Variants in GPHN observed in about 807,000 individuals in gnomAD.
GPHN encodes gephyrin.
A neutral mutation model predicts 95.5 loss-of-function variants in GPHN; 17 were observed. The observed-to-expected ratio is 0.18, with a 90% CI of 0.12 to 0.27. The LOEUF (loss-of-function observed/expected upper bound fraction) is 0.27. GPHN is among the 10% of genes least tolerant of loss of function. The pLI is 1.00. For missense variants in GPHN, 660 were observed against 978.1 expected, an observed-to-expected ratio of 0.67 and a Z score of 4.34; for synonymous variants, 320 against 322.5, an observed-to-expected ratio of 0.99 and a Z score of 0.08.
At chr14:66,560,421 A>C (rs2060185862) in intron 1 of GPHN, among the ~76,000 whole-genome samples, 1 of 152,082 alleles carries the variant, frequency 6.6e-6, no homozygotes, top group Non-Finnish European at 1.5e-5. Context: ...TTCATTGAGC[A>C]GTGGTTTGTA....
intron 2 of GPHN, among the ~76,000 whole-genome samples, chr14:66,765,674 C>T (rs938965521): frequency 1.3e-5 from 2 of 152,024 alleles, no homozygotes; most frequent in East Asian, 1.9e-4. Flanking sequence ...TGCGTATTAC[C>T]TGGGTGACAA....
chr14:67,009,191 A>C (rs1397849310), intron 9 of GPHN, among the ~76,000 whole-genome samples: 2 of 152,104 alleles, frequency 1.3e-5, no homozygotes, highest in African/African-American at 4.8e-5. Flanking sequence ...CAATGAAAGT[A>C]ATAACCCATT....
chr14:66,839,759 G>T (rs905495427), intron 4 of GPHN, among the ~76,000 whole-genome samples: 3 of 152,028 alleles, frequency 2.0e-5, no homozygotes, highest in Admixed American at 2.0e-4. Context: ...TATTGTTAGG[G>T]TATGTATTTA....
chr14:67,045,222 A>G (rs1391727628), intron 10 of GPHN, among the ~76,000 whole-genome samples: 2 of 152,168 alleles, frequency 1.3e-5, no homozygotes, highest in Non-Finnish European at 2.9e-5. Context: ...GTTCTGTCTC[A>G]AATATGTATC....
the GPHN span, among the ~76,000 whole-genome samples, chr14:67,440,116 G>A: frequency 6.6e-6 from 1 of 152,148 alleles, no homozygotes; most frequent in African/African-American, 2.4e-5. Flanking sequence ...GATTACAGGC[G>A]TGAGTTACCA....
chr14:66,768,662 CAATT>C (rs1326455342), intron 2 of GPHN, among the ~76,000 whole-genome samples: 1 of 151,858 alleles, frequency 6.6e-6, no homozygotes, highest in African/African-American at 2.4e-5. Context: ...GACAGACAGA[CAATT>C]AAACAATAAT....
the GPHN span, among the ~76,000 whole-genome samples, chr14:67,288,182 C>T: frequency 1.3e-5 from 2 of 152,114 alleles, no homozygotes; most frequent in Non-Finnish European, 1.5e-5. Flanking sequence ...GAGGTTCAAG[C>T]GATTCTCCTG....
rs2076277446 is a variant in GPHN, at chr14:67,070,923, C to T, written c.1144+12137C>T. On this transcript the variant is annotated intron_variant, in intron 11 of 22. Coordinates refer to ENST00000478722, the MANE Select transcript of GPHN (RefSeq NM_020806.5). ...ACCATCAGAGAAATGCAAATCAAAA[C>T]TACAATGAGACACCATCTCACACCA... Among the ~76,000 whole-genome samples the T allele has an allele frequency of 1.3e-5, 2 of 151,824 alleles. 1 individual carries two copies. Among genetic ancestry groups the T allele is most frequent in the South Asian group, 4.2e-4 (2 of 4,818 alleles).
chr14:66,538,326 GT>G (rs889659243), intron 1 of GPHN, among the ~76,000 whole-genome samples: 48 of 147,618 alleles, frequency 3.3e-4, no homozygotes, highest in African/African-American at 9.2e-4. Context: ...TGGGTTAATG[GT>G]TTTTTTTTTA....
chr14:67,295,937 C>CA, the GPHN span, among the ~76,000 whole-genome samples: 2 of 151,274 alleles, frequency 1.3e-5, no homozygotes, highest in African/African-American at 2.4e-5. Flanking sequence ...TAATAGAAAC[C>CA]AAAAAAAACC....
chr14:66,919,038 C>G (rs1379589888), intron 6 of GPHN, among the ~76,000 whole-genome samples: 1 of 152,102 alleles, frequency 6.6e-6, no homozygotes, highest in Non-Finnish European at 1.5e-5. Context: ...TACCTATTCT[C>G]TTTTGGTAAT....
At chr14:67,310,831 G>GTCTA in the GPHN span, among the ~76,000 whole-genome samples, 9 of 152,006 alleles carry the variant, frequency 5.9e-5, no homozygotes, top group Admixed American at 2.6e-4. Context: ...CCATTTATCT[G>GTCTA]TCTATCTATC....
the GPHN span, among the ~76,000 whole-genome samples, chr14:67,216,611 T>C: frequency 0.031 from 4,744 of 152,242 alleles, 86 homozygotes; most frequent in Non-Finnish European, 0.036. Flanking sequence ...TCTATTTCCA[T>C]TTGTATCAGT....
chr14:66,787,515 G>A (rs1399142494), intron 3 of GPHN, among the ~76,000 whole-genome samples: 1 of 151,958 alleles, frequency 6.6e-6, no homozygotes, highest in African/African-American at 2.4e-5. Context: ...ACAAAACCTA[G>A]AACAGCTAAG....
intron 9 of GPHN, among the ~76,000 whole-genome samples, chr14:67,015,605 G>A (rs539541828): frequency 5.0e-4 from 76 of 152,218 alleles, no homozygotes; most frequent in South Asian, 1.0e-3. Flanking sequence ...GCTGAGGCAG[G>A]AGAGTTGCTT....
At chr14:67,060,755 T>C (rs2075792554) in intron 11 of GPHN, among the ~76,000 whole-genome samples, 2 of 152,190 alleles carry the variant, frequency 1.3e-5, no homozygotes, top group African/African-American at 4.8e-5. Flanking sequence ...TTACAGTTTT[T>C]TTTCTTTGGC....
intron 1 of GPHN, among the ~76,000 whole-genome samples, chr14:66,538,248 T>C (rs7143629): frequency 6.6e-6 from 1 of 152,024 alleles, no homozygotes; most frequent in African/African-American, 2.4e-5. Flanking sequence ...TTTTTGTCTT[T>C]AGTTCATTAA....
chr14:67,323,783 T>C, the GPHN span: 32 of 1,591,488 alleles, frequency 2.0e-5, no homozygotes, highest in Non-Finnish European at 2.7e-5. Flanking sequence ...ACTTCGGGCA[T>C]TATTGGCCAA....
intron 1 of GPHN, among the ~76,000 whole-genome samples, chr14:66,624,800 T>C (rs1432330333): frequency 6.6e-6 from 1 of 152,190 alleles, no homozygotes; most frequent in Non-Finnish European, 1.5e-5. Flanking sequence ...AGAAAACAAG[T>C]TTTCTAACTC....
Sources: allele counts gnomAD v4.1 joint callset (sites outside exome capture counted in the v4.1 genomes callset), GRCh38; gene constraint gnomAD v4.1.1; transcripts MANE v1.5; gene names NCBI Gene and HGNC (gene_info 2026-07-23, HGNC 2026-07-21).